Variants in RB1CC1 observed in about 807,000 individuals in gnomAD.
The protein encoded by RB1CC1 is RB1-inducible coiled-coil protein 1.
RB1CC1 carries 46 observed loss-of-function variants against 177.5 expected under a neutral mutation model. That is an observed-to-expected ratio of 0.26 (90% confidence interval 0.20 to 0.33). The LOEUF is 0.33. Among genes scored for constraint, RB1CC1 ranks in the 10% least tolerant of loss-of-function variants. RB1CC1 has a pLI of 1.00. For synonymous variants in RB1CC1, 666 were observed against 613.6 expected, an observed-to-expected ratio of 1.09 and a Z score of -1.26; for missense variants, 1,703 against 1,816.3, an observed-to-expected ratio of 0.94 and a Z score of 1.13.
At chr8:52,660,798 T>C (rs1043201269) in intron 11 of RB1CC1, 128 bp downstream of exon 11, 22 of 1,090,846 alleles carry the variant, frequency 2.0e-5, no homozygotes, top group Non-Finnish European at 2.9e-5. Context: ...CTATACACTT[T>C]AAAAGGAATA....
At chr8:52,699,768 G>A (rs1218295680) in intron 1 of RB1CC1, among the ~76,000 whole-genome samples, 5 of 120,912 alleles carry the variant, frequency 4.1e-5, no homozygotes, top group African/African-American at 1.3e-4. Flanking sequence ...GCAGTGAGCC[G>A]AGATTCTGCC....
intron 6 of RB1CC1, 114 bp downstream of exon 6, chr8:52,676,255 C>T: frequency 1.1e-6 from 1 of 884,204 alleles, no homozygotes; most frequent in South Asian, 1.6e-5. Context: ...AAAGAATAAA[C>T]CTCAGTTACA....
intron 8 of RB1CC1, among the ~76,000 whole-genome samples, chr8:52,666,241 T>C (rs1455977904): frequency 6.6e-6 from 1 of 151,906 alleles, no homozygotes; most frequent in Admixed American, 6.6e-5. Flanking sequence ...CCACCAAATA[T>C]ACGGCTGGGC....
At chr8:52,701,600 T>G (rs902668953) in intron 1 of RB1CC1, among the ~76,000 whole-genome samples, 5 of 152,120 alleles carry the variant, frequency 3.3e-5, no homozygotes, top group Non-Finnish European at 5.9e-5. Flanking sequence ...TCTATGTTGC[T>G]CAGGCTGGTC....
rs756815212 is a variant in RB1CC1, at chr8:52,656,982, T to C, written c.2847A>G (p.Lys949=). The C allele has an allele frequency of 6.2e-7, 1 of 1,613,788 alleles. No homozygotes were observed. Among genetic ancestry groups the C allele is most frequent in the South Asian group, 1.1e-5 (1 of 91,072 alleles). ...CTATTTCTCGTGACTGCTTCAGTTC[T>C]TTAATTTCACAATTTTGAGAGTGCA... ...NIMHSQNCEI[K]ELKQSREIVL... The change falls in exon 15 of 24, where the codon AAA becomes AAG. Residue 949 remains lysine, a synonymous_variant. Transcript: ENST00000025008.
At chr8:52,698,106 G>A (rs926201124) in intron 1 of RB1CC1, among the ~76,000 whole-genome samples, 14 of 151,818 alleles carry the variant, frequency 9.2e-5, no homozygotes, top group African/African-American at 2.9e-4. Flanking sequence ...ACAAGATCTC[G>A]TCCTGTCACC....
intron 1 of RB1CC1, among the ~76,000 whole-genome samples, chr8:52,705,456 T>C (rs1039786787): frequency 7.9e-5 from 12 of 152,318 alleles, no homozygotes; most frequent in Non-Finnish European, 1.3e-4. Flanking sequence ...TGCTAAGTGT[T>C]GACAAGATTA....
At chr8:52,711,162 A>C (rs759301737) in intron 1 of RB1CC1, among the ~76,000 whole-genome samples, 5 of 152,192 alleles carry the variant, frequency 3.3e-5, no homozygotes, top group African/African-American at 7.2e-5. Flanking sequence ...AGCACTCACT[A>C]AACAGCCATG....
chr8:52,702,776 T>C (rs2360754), intron 1 of RB1CC1, among the ~76,000 whole-genome samples: 109,532 of 152,050 alleles, frequency 0.72, 39,915 homozygotes, highest in East Asian at 0.83. Context: ...CATCAATACA[T>C]GTCTGTCTAA....
intron 18 of RB1CC1, among the ~76,000 whole-genome samples, chr8:52,640,849 T>G (rs1027088937): frequency 8.5e-5 from 13 of 152,312 alleles, no homozygotes; most frequent in Non-Finnish European, 2.9e-5. Flanking sequence ...TTTCAAAGTC[T>G]AAAGGTAACC....
chr8:52,712,655 G>T (rs1857157589), intron 1 of RB1CC1, among the ~76,000 whole-genome samples: 1 of 152,068 alleles, frequency 6.6e-6, no homozygotes, highest in Admixed American at 6.5e-5. Flanking sequence ...TTAAAAATAT[G>T]AACTATGTCA....
At chr8:52,693,910 T>G (rs1754340702) in intron 1 of RB1CC1, among the ~76,000 whole-genome samples, 1 of 152,168 alleles carries the variant, frequency 6.6e-6, no homozygotes, top group Admixed American at 6.5e-5. Context: ...CAAACCCATA[T>G]ATCCCGCACA....
chr8:52,654,259 G>A (rs1850883009), intron 15 of RB1CC1, among the ~76,000 whole-genome samples: 1 of 152,182 alleles, frequency 6.6e-6, no homozygotes, highest in South Asian at 2.1e-4. Flanking sequence ...GTATTCCATA[G>A]GCTTTGCCCT....
At chr8:52,649,224 G>A (rs147260143) in intron 15 of RB1CC1, among the ~76,000 whole-genome samples, 2 of 152,246 alleles carry the variant, frequency 1.3e-5, no homozygotes, top group East Asian at 3.9e-4. Flanking sequence ...AAAGAAACTT[G>A]CATAATCCTG....
intron 22 of RB1CC1, among the ~76,000 whole-genome samples, chr8:52,627,794 C>T (rs905134327): frequency 1.3e-5 from 2 of 151,968 alleles, no homozygotes; most frequent in African/African-American, 4.8e-5. Context: ...ATGAGATGTC[C>T]GAATCACTGC....
At chr8:52,669,850 C>T (rs969709149) in intron 7 of RB1CC1, among the ~76,000 whole-genome samples, 1 of 152,132 alleles carries the variant, frequency 6.6e-6, no homozygotes, top group East Asian at 1.9e-4. Context: ...AACAAGGGCT[C>T]CTGAATACAA....
intron 5 of RB1CC1, among the ~76,000 whole-genome samples, chr8:52,680,782 A>C (rs1295483544): frequency 6.6e-6 from 1 of 152,216 alleles, no homozygotes; most frequent in Non-Finnish European, 1.5e-5. Flanking sequence ...TGTTGCGTAA[A>C]AGAGGCTAGA....
intron 5 of RB1CC1, among the ~76,000 whole-genome samples, chr8:52,678,371 C>G (rs35100727): frequency 0.085 from 12,895 of 152,162 alleles, 751 homozygotes; most frequent in South Asian, 0.25. Flanking sequence ...GAGCCAAGAT[C>G]GCACAACTGA....
At chr8:52,643,047 TATTTACTGTCAGAG>T in intron 16 of RB1CC1, 1 of 342,282 alleles carries the variant, frequency 2.9e-6, no homozygotes, top group Non-Finnish European at 4.9e-6. Context: ...ATTGTCCATA[TATTTACTGTCAGAG>T]ATTTTGAAAT....
Sources: allele counts gnomAD v4.1 joint callset (sites outside exome capture counted in the v4.1 genomes callset), GRCh38; gene constraint gnomAD v4.1.1; transcripts MANE v1.5; gene names NCBI Gene and HGNC (gene_info 2026-07-23, HGNC 2026-07-21).